VCPIP1: variants seen among roughly 807,000 people sequenced by gnomAD.
The protein encoded by VCPIP1 is valosin containing protein interacting protein 1.
Under a neutral mutation model 85.0 loss-of-function variants are expected in VCPIP1, and 8 were observed. The ratio of observed to expected loss-of-function variants is 0.09; its 90% CI spans 0.06 to 0.17. The LOEUF is 0.17. VCPIP1 is among the 10% of genes least tolerant of loss of function. The pLI, the probability that VCPIP1 is intolerant of heterozygous loss-of-function variation, is 1.00. For synonymous variants in VCPIP1, 543 were observed against 544.5 expected, an observed-to-expected ratio of 1.00 and a Z score of 0.04; for missense variants, 1,070 against 1,486.3, an observed-to-expected ratio of 0.72 and a Z score of 4.61.
chr8:66,630,528 TA>T lies in VCPIP1; in HGVS notation c.*3972del, dbSNP rs1253418390. ...AAAAGTAGGCAATACCTTAAAAATT[TA>T]AAAACTAAGTAATTGATACTCACAA... On this transcript the variant is annotated 3_prime_UTR_variant, in exon 3 of 3. Transcript: ENST00000310421. 6.5e-6 allele frequency: 1 copy of T among 152,688 alleles called. No homozygotes were observed. Among genetic ancestry groups the T allele is most frequent in the East Asian group, 1.9e-4 (1 of 5,190 alleles). 9.5% of individuals were successfully genotyped at this position (152,688 alleles called of 1,614,324 possible). A position where few individuals can be genotyped will look rare whatever the true frequency, so the allele number is the denominator to read the frequency against.
intron 1 of VCPIP1, among the ~76,000 whole-genome samples, chr8:66,657,137 T>G (rs1811108679): frequency 6.6e-6 from 1 of 152,154 alleles, no homozygotes. Flanking sequence ...ACTCCTGATC[T>G]CAGACAATTT....
Position 66,666,759 on chromosome 8 carries a change from C to G in VCPIP1, c.200G>C (p.Ser67Thr), listed in dbSNP as rs747258050. Residue 67 changes from serine (S) to threonine (T), a missense_variant, in exon 1 of 3, where the codon AGC becomes ACC. Physicochemically the swap from Ser to Thr is moderately conservative, Grantham distance 58. Around this residue, in one of 8 missense-constraint regions of VCPIP1, gnomAD observed 164 missense variants for 158.6 expected, o/e 1.03. Coordinates refer to ENST00000310421, the MANE Select transcript of VCPIP1 (RefSeq NM_025054.5). The surrounding 1 kb of genome is among the most constrained non-coding windows in gnomAD (Gnocchi z 6.3). ...RLFFPASGSV[S>T]IECTECGQRH... ...CTGGCCGCACTCGGTACACTCGATG[C>G]TGACAGAACCGGAGGCCGGGAAAAA... 6.2e-6 allele frequency: 10 copies of G among 1,613,744 alleles called. No individual in the cohort carries two copies. Among genetic ancestry groups the G allele is most frequent in the Non-Finnish European group, 8.5e-6 (10 of 1,179,706 alleles).
At chr8:66,645,702 T>C (rs1053307825) in intron 2 of VCPIP1, among the ~76,000 whole-genome samples, 15 of 148,806 alleles carry the variant, frequency 1.0e-4, no homozygotes, top group African/African-American at 3.8e-4. Flanking sequence ...AGGAGATGGC[T>C]TGAGCCCAGG....
At chr8:66,637,875 G>GGCAGGAGAATGGTGTGAAC (rs1382732215) in intron 2 of VCPIP1, among the ~76,000 whole-genome samples, 3 of 152,158 alleles carry the variant, frequency 2.0e-5, no homozygotes, top group Non-Finnish European at 4.4e-5. Flanking sequence ...GGGAGGCTGA[G>GGCAGGAGAATGGTGTGAAC]GCAGGAGAAT....
At chr8:66,646,050 G>A (rs1435137469) in intron 2 of VCPIP1, among the ~76,000 whole-genome samples, 1 of 150,544 alleles carries the variant, frequency 6.6e-6, no homozygotes, top group African/African-American at 2.4e-5. Context: ...GTTACAGCCA[G>A]ATAAACTCAA....
At chr8:66,642,648 A>G (rs1231933830) in intron 2 of VCPIP1, among the ~76,000 whole-genome samples, 1 of 152,226 alleles carries the variant, frequency 6.6e-6, no homozygotes, top group Non-Finnish European at 1.5e-5. Context: ...TTGCATGCTA[A>G]TATCTAATTG....
chr8:66,651,184 TCA>T (rs1491187094), intron 2 of VCPIP1, among the ~76,000 whole-genome samples: 2 of 76,016 alleles, frequency 2.6e-5, no homozygotes, highest in African/African-American at 1.2e-4. Flanking sequence ...AAATTCCATC[TCA>T]AAAAAAAAAA....
In VCPIP1 at chr8:66,664,628, G is replaced by C; in HGVS notation, c.2331C>G (p.Ile777Met). 6.2e-7 allele frequency: 1 copy of C among 1,613,996 alleles called. No homozygotes were observed. ...YSPTTSKEKK[I>M]RITTNDGRQS... ...GTCGTCCATCATTAGTTGTGATTCG[G>C]ATCTTCTTCTCCTTAGAAGTTGTCG... The change falls in exon 1 of 3, where the codon ATC (isoleucine) becomes ATG (methionine). Residue 777 changes from isoleucine to methionine, a missense_variant. Physicochemically the swap from Ile to Met is conservative, Grantham distance 10 (BLOSUM62 1). This residue lies in a region of VCPIP1 where 278 missense variants were observed against 298.5 expected (regional missense o/e 0.93). Coordinates refer to ENST00000310421, the MANE Select transcript of VCPIP1 (RefSeq NM_025054.5).
Position 66,665,555 on chromosome 8 carries a change from T to C in VCPIP1, c.1404A>G (p.Lys468=), listed in dbSNP as rs772547728. 19 of 1,614,050 alleles carry C rather than the reference T, an allele frequency of 1.2e-5. No individual in the cohort carries two copies. The Admixed American group carries it at 2.7e-4, about 23-fold the overall frequency. ...KKAVMDNRLH[K]CLLCGALSEL... Reference sequence around the variant, plus strand: ...CAGAAAGGGCACCACAGAGCAAACATTTGTGAAGGCGATTATCCATTACTG... The same window carrying C: ...CAGAAAGGGCACCACAGAGCAAACACTTGTGAAGGCGATTATCCATTACTG... The change falls in exon 1 of 3, where the codon AAA becomes AAG. Residue 468 remains lysine (K), a synonymous_variant. Transcript: ENST00000310421. The surrounding 1 kb of genome is among the most constrained non-coding windows in gnomAD (Gnocchi z 4.3).
chr8:66,651,657 G>T, intron 1 of VCPIP1, 113 bp from the exon 2 acceptor site: 1 of 723,998 alleles, frequency 1.4e-6, no homozygotes. Flanking sequence ...CTAAATGAGT[G>T]AAACAGCCTG....
At chr8:66,650,288 G>GTA (rs770322248) in intron 2 of VCPIP1, among the ~76,000 whole-genome samples, 1 of 151,950 alleles carries the variant, frequency 6.6e-6, no homozygotes, top group Non-Finnish European at 1.5e-5. Flanking sequence ...TGCTACTTTT[G>GTA]TATATGTTTG....
In VCPIP1 at chr8:66,665,028, A is replaced by G; in HGVS notation, c.1931T>C (p.Val644Ala). 6.2e-7 allele frequency: 1 copy of G among 1,613,890 alleles called. No individual in the cohort carries two copies. Among genetic ancestry groups the G allele is most frequent in the Non-Finnish European group, 8.5e-7 (1 of 1,179,848 alleles). Reference protein sequence around the residue: ...FPGEFGSEILVQKVVHTILHQ... With the variant: ...FPGEFGSEILAQKVVHTILHQ... ...CAATATAGTGTGGACAACTTTCTGA[A>G]CTAGGATTTCACTCCCAAATTCACC... Residue 644 changes from valine to alanine, a missense_variant, in exon 1 of 3, where the codon GTT becomes GCT. This residue lies in a region of VCPIP1 where 3 missense variants were observed against 16.5 expected (regional missense o/e 0.18). Coordinates refer to ENST00000310421, the MANE Select transcript of VCPIP1 (RefSeq NM_025054.5). The surrounding 1 kb of genome is among the most constrained non-coding windows in gnomAD (Gnocchi z 4.3).
chr8:66,660,948 C>T (rs926716446), intron 1 of VCPIP1, among the ~76,000 whole-genome samples: 2 of 151,934 alleles, frequency 1.3e-5, no homozygotes, highest in African/African-American at 4.8e-5. Flanking sequence ...GAGGCTGAGG[C>T]ACGACAATTG....
chr8:66,642,995 A>T (rs1386901802), intron 2 of VCPIP1, among the ~76,000 whole-genome samples: 1 of 152,186 alleles, frequency 6.6e-6, no homozygotes, highest in Non-Finnish European at 1.5e-5. Flanking sequence ...AAATAAAACA[A>T]AGTAGAATGA....
chr8:66,634,818 C>A lies in VCPIP1; in HGVS notation c.3352G>T (p.Ala1118Ser). The A allele has an allele frequency of 6.2e-7, 1 of 1,614,188 alleles. No individual in the cohort carries two copies. The highest frequency in any genetic ancestry group is 2.2e-5 in the East Asian group (1 of 44,882). Reference sequence around the variant, plus strand: ...TCCCGAAGGTGCCTGTCCATTGAAGCCTGAATAGAAGAAACCATTTCCTGC... The same window carrying A: ...TCCCGAAGGTGCCTGTCCATTGAAGACTGAATAGAAGAAACCATTTCCTGC... ...KLQEMVSSIQ[A>S]SMDRHLRDQS... Residue 1118 changes from alanine to serine, a missense_variant, in exon 3 of 3, where the codon GCT becomes TCT. Ala to Ser is a moderately conservative substitution (Grantham distance 99). This residue lies in a region of VCPIP1 where 255 missense variants were observed against 289.5 expected (regional missense o/e 0.88). Transcript: ENST00000310421.
intron 1 of VCPIP1, among the ~76,000 whole-genome samples, chr8:66,655,656 G>C (rs888178852): frequency 6.6e-6 from 1 of 151,732 alleles, no homozygotes; most frequent in Admixed American, 6.6e-5. Context: ...CCTGAATCTT[G>C]TTTTCTCTTC....
At chr8:66,645,820 A>G (rs1810990167) in intron 2 of VCPIP1, among the ~76,000 whole-genome samples, 1 of 151,488 alleles carries the variant, frequency 6.6e-6, no homozygotes, top group African/African-American at 2.4e-5. Context: ...AGTCCCTGCT[A>G]CTCAGAAGGC....
At chr8:66,655,338 G>C (rs758848148) in intron 1 of VCPIP1, among the ~76,000 whole-genome samples, 1 of 152,094 alleles carries the variant, frequency 6.6e-6, no homozygotes, top group Non-Finnish European at 1.5e-5. Context: ...TTGTTTTCCT[G>C]TTTTGTTTTG....
chr8:66,663,499 G>A (rs1050445738), intron 1 of VCPIP1, among the ~76,000 whole-genome samples: 3 of 152,110 alleles, frequency 2.0e-5, no homozygotes, highest in African/African-American at 7.2e-5. Context: ...ACTGTAAAAA[G>A]TACACCATTG....
Sources: allele counts gnomAD v4.1 joint callset (sites outside exome capture counted in the v4.1 genomes callset), GRCh38; gene constraint gnomAD v4.1.1; regional missense constraint gnomAD v4.1.1; non-coding constraint Gnocchi (gnomAD v3.1); transcripts MANE v1.5; gene names NCBI Gene and HGNC (gene_info 2026-07-23, HGNC 2026-07-21).